The following STON1 variants were observed in gnomAD, a reference collection of about 807,000 sequenced individuals.
The protein encoded by STON1 is stonin-1.
STON1 carries 79 observed loss-of-function variants against 60.9 expected under a neutral mutation model. The observed-to-expected ratio is 1.30, with a 90% confidence interval of 1.08 to 1.56. The LOEUF (loss-of-function observed/expected upper bound fraction) is 1.56, where lower values mean the gene tolerates loss of function less well. Ranked by LOEUF, STON1 falls within the 40% of genes most tolerant of loss-of-function variation. The pLI, the probability that STON1 is intolerant of heterozygous loss-of-function variation, is 0.00. For synonymous variants in STON1, 363 were observed against 306.9 expected, an observed-to-expected ratio of 1.18 and a Z score of -1.91; for missense variants, 1,166 against 858.9, an observed-to-expected ratio of 1.36 and a Z score of -4.47.
At chr2:48,541,760 T>G (rs1257326506) in intron 1 of STON1, among the ~76,000 whole-genome samples, 1 of 144,960 alleles carries the variant, frequency 6.9e-6, no homozygotes, top group Non-Finnish European at 1.5e-5. Flanking sequence ...AGTAAATACA[T>G]GTACATTGGC....
chr2:48,578,581 C>CTTTTTTTTTTTTTTTTT lies in STON1; in HGVS notation c.-47-1997_-47-1981dup, dbSNP rs59933765. On this transcript the variant is annotated intron_variant, in intron 1 of 3. Coordinates refer to ENST00000404752, the MANE Select transcript of STON1 (RefSeq NM_006873.4). ...CTTCTCCTCCTCCTCCTCCTCCTTC[C>CTTTTTTTTTTTTTTTTT]TTTTTTTTTTTTTTTTTTTTTTTTT... Among the ~76,000 whole-genome samples, 232 of 46,162 alleles carry CTTTTTTTTTTTTTTTTT rather than the reference C, an allele frequency of 5.0e-3. 18 individuals are homozygous for CTTTTTTTTTTTTTTTTT. The highest frequency in any genetic ancestry group is 0.01 in the East Asian group (11 of 1,058). The allele number at this position is 46,162 out of a possible 152,430, so 30.3% of individuals were successfully genotyped here.
chr2:48,595,089 T>G, intron 3 of STON1, 139 bp from the exon 4 acceptor site: 1 of 692,264 alleles, frequency 1.4e-6, no homozygotes. Flanking sequence ...GAAGCTACTG[T>G]AGGAGGGTAG....
intron 1 of STON1, among the ~76,000 whole-genome samples, chr2:48,567,076 A>AG (rs1672980946): frequency 6.6e-6 from 1 of 152,074 alleles, no homozygotes; most frequent in African/African-American, 2.4e-5. Flanking sequence ...GCCGTAGGGG[A>AG]GGGGCAGTGT....
At chr2:48,568,606 A>G (rs1465213078) in intron 1 of STON1, among the ~76,000 whole-genome samples, 2 of 152,160 alleles carry the variant, frequency 1.3e-5, no homozygotes, top group East Asian at 3.8e-4. Flanking sequence ...ACCTAAATCT[A>G]TTTATTAGAC....
At position 48,582,075 on chromosome 2, in the gene STON1, A is replaced by T. The variant is rs1190548793; in HGVS notation, c.1442A>T (p.Asp481Val). 6.2e-7 allele frequency: 1 copy of T among 1,614,196 alleles called. No homozygotes were observed. Among genetic ancestry groups the T allele is most frequent in the South Asian group, 1.1e-5 (1 of 91,076 alleles). Residue 481 changes from aspartate to valine, a missense_variant, in exon 2 of 4, where the codon GAT becomes GTT. Coordinates refer to ENST00000404752, the MANE Select transcript of STON1 (RefSeq NM_006873.4). ...AAGGACTCAGAAAAAAAGGGGATTG[A>T]TATTCTTGACTACCATTTTCATAAG... ...YEKDSEKKGI[D>V]ILDYHFHKCV...
rs1673856138 is a variant in STON1 at position 48,581,138 on chromosome 2, G to T, written c.505G>T (p.Asp169Tyr). 1 of 1,579,242 alleles carries T rather than the reference G, an allele frequency of 6.3e-7. No homozygotes were observed. Among genetic ancestry groups the T allele is most frequent in the Non-Finnish European group, 8.6e-7 (1 of 1,168,754 alleles). The change falls in exon 2 of 4, where the codon GAT becomes TAT. Residue 169 changes from aspartate to tyrosine, a missense_variant. By Grantham distance (160) the Asp-to-Tyr change is radical. Transcript: ENST00000404752. ...TGAAAGCCTAGGATTCCAAAGTGAT[G>T]ATCTCCCCCAGTTTCAGTATTTTCG... ...QAESLGFQSD[D>Y]LPQFQYFRED...
At chr2:48,535,476 AAG>A (rs1671387090) in intron 1 of STON1, among the ~76,000 whole-genome samples, 2 of 152,126 alleles carry the variant, frequency 1.3e-5, no homozygotes, top group Non-Finnish European at 2.9e-5. Context: ...CTCTTTGTGG[AAG>A]GTACCTTGAG....
chr2:48,556,969 G>A (rs1385040101), intron 1 of STON1, among the ~76,000 whole-genome samples: 1 of 49,024 alleles, frequency 2.0e-5, no homozygotes. Flanking sequence ...GGCCGGGCGG[G>A]GGGCTGACCC....
intron 1 of STON1, among the ~76,000 whole-genome samples, chr2:48,555,350 G>C (rs1672292071): frequency 3.8e-5 from 2 of 52,038 alleles, no homozygotes; most frequent in African/African-American, 6.9e-5. Context: ...TCCCGGATGG[G>C]GCGGCTGGCC....
intron 1 of STON1, among the ~76,000 whole-genome samples, chr2:48,557,631 C>T (rs1672436292): frequency 1.2e-5 from 1 of 82,448 alleles, no homozygotes; most frequent in African/African-American, 4.3e-5. Context: ...CCACTGCACT[C>T]CAGCCTGGGC....
At chr2:48,586,498 T>C (rs1258984522) in intron 2 of STON1, among the ~76,000 whole-genome samples, 1 of 152,166 alleles carries the variant, frequency 6.6e-6, no homozygotes, top group Non-Finnish European at 1.5e-5. Context: ...GGTAATAAAC[T>C]GCCTGGGGAC....
chr2:48,573,519 G>A (rs1234768411), intron 1 of STON1, among the ~76,000 whole-genome samples: 1 of 152,190 alleles, frequency 6.6e-6, no homozygotes, highest in Non-Finnish European at 1.5e-5. Context: ...CAGCTAGTGA[G>A]TGACAGAGTG....
At position 48,565,214 on chromosome 2, in the gene STON1, G is replaced by A. The variant is rs1036764522; in HGVS notation, c.-47-15373G>A. On this transcript the variant is annotated intron_variant, in intron 1 of 3. Coordinates refer to ENST00000404752, the MANE Select transcript of STON1 (RefSeq NM_006873.4). The stretch of plus-strand genomic sequence containing the variant: ...ACTACAGGCGCCCGCCACCACGCCC[G>A]GCTAATTTTTTGTATTTTTGGTAGA... Among the ~76,000 whole-genome samples the A allele has an allele frequency of 3.3e-5, 5 of 151,506 alleles. No homozygotes were observed. The East Asian group carries it at 5.8e-4, about 18-fold the overall frequency.
Position 48,581,983 on chromosome 2 carries a change from G to C in STON1, c.1350G>C (p.Gly450=). The change falls in exon 2 of 4, where the codon GGG becomes GGC. Residue 450 remains glycine (G), a synonymous_variant. Coordinates refer to ENST00000404752, the MANE Select transcript of STON1 (RefSeq NM_006873.4). ...TTTATTGCCTCTGCTTTGTGAATGG[G>C]AACCTGGAATGCTTTTTAACCTTGA... The part of the protein sequence containing the change: ...TQIYCLCFVN[G]NLECFLTLND... The C allele has an allele frequency of 1.9e-6, 3 of 1,614,198 alleles. No homozygotes were observed. The highest frequency in any genetic ancestry group is 8.5e-7 in the Non-Finnish European group (1 of 1,180,034).
intron 1 of STON1, among the ~76,000 whole-genome samples, chr2:48,567,030 G>A (rs1481201440): frequency 6.6e-6 from 1 of 152,146 alleles, no homozygotes; most frequent in East Asian, 1.9e-4. Flanking sequence ...AAAAAAGTTG[G>A]CACCCAAGTT....
At chr2:48,547,745 A>G (rs1050890584) in intron 1 of STON1, among the ~76,000 whole-genome samples, 1 of 152,244 alleles carries the variant, frequency 6.6e-6, no homozygotes, top group African/African-American at 2.4e-5. Context: ...CCCGGAGCAT[A>G]GATAGAAGCC....
chr2:48,534,484 A>T (rs1671346514), intron 1 of STON1, among the ~76,000 whole-genome samples: 1 of 152,166 alleles, frequency 6.6e-6, no homozygotes, highest in South Asian at 2.1e-4. Context: ...TATTTTAATT[A>T]TAAGGAATAA....
In STON1 at chr2:48,591,900, A is replaced by G. The variant is rs763203862; in HGVS notation, c.2133+45A>G. The G allele has an allele frequency of 4.4e-6, 7 of 1,597,170 alleles. 1 individual carries two copies. The South Asian group carries it at 6.7e-5, about 15-fold the overall frequency. On this transcript the variant is annotated intron_variant, in intron 3 of 3. Transcript: ENST00000404752. ...GAACTGTGACCTGATTTGGCTTTAA[A>G]TATTTGTTTTGCTGTCTTTTGTGAT...
At chr2:48,559,894 G>A (rs1672537797) in intron 1 of STON1, among the ~76,000 whole-genome samples, 1 of 152,132 alleles carries the variant, frequency 6.6e-6, no homozygotes, top group African/African-American at 2.4e-5. Flanking sequence ...AGCATCCAAT[G>A]GTAGAGATCC....
Sources: allele counts gnomAD v4.1 joint callset (sites outside exome capture counted in the v4.1 genomes callset), GRCh38; gene constraint gnomAD v4.1.1; transcripts MANE v1.5; gene names NCBI Gene and HGNC (gene_info 2026-07-23, HGNC 2026-07-21).